The following FBXO11 variants were observed in gnomAD, a reference collection of about 807,000 sequenced individuals.
FBXO11 encodes F-box protein 11.
A neutral mutation model predicts 117.0 loss-of-function variants in FBXO11; 13 were observed. The ratio of observed to expected loss-of-function variants is 0.11; its 90% confidence interval spans 0.07 to 0.18. The LOEUF is 0.18. FBXO11 is among the 10% of genes least tolerant of loss of function. The pLI, the probability that FBXO11 is intolerant of heterozygous loss-of-function variation, is 1.00. For missense variants in FBXO11, 767 were observed against 1,164.4 expected, an observed-to-expected ratio of 0.66 and a Z score of 4.97; for synonymous variants, 490 against 380.5, an observed-to-expected ratio of 1.29 and a Z score of -3.35.
intron 1 of FBXO11, among the ~76,000 whole-genome samples, chr2:47,855,702 C>T (rs1473033253): frequency 6.6e-6 from 1 of 152,076 alleles, no homozygotes; most frequent in Non-Finnish European, 1.5e-5. Flanking sequence ...CATGGTGGTG[C>T]ATGCCTATAA....
At chr2:47,869,001 T>C (rs1312735029) in intron 1 of FBXO11, among the ~76,000 whole-genome samples, 1 of 152,220 alleles carries the variant, frequency 6.6e-6, no homozygotes, top group Non-Finnish European at 1.5e-5. Context: ...AACAAAGAAG[T>C]GGCCTTTTGA....
At chr2:47,882,531 T>C in intron 1 of FBXO11, among the ~76,000 whole-genome samples, 1 of 152,264 alleles carries the variant, frequency 6.6e-6, no homozygotes, top group East Asian at 1.9e-4. Context: ...TTGGATCTAC[T>C]GTATTTTCTA....
intron 1 of FBXO11, among the ~76,000 whole-genome samples, chr2:47,901,758 T>C (rs964647142): frequency 1.1e-4 from 16 of 152,136 alleles, no homozygotes; most frequent in African/African-American, 4.8e-5. Context: ...TCATACTTTG[T>C]AATATCTAAA....
chr2:47,876,050 C>T (rs1194098873), intron 1 of FBXO11, among the ~76,000 whole-genome samples: 2 of 152,128 alleles, frequency 1.3e-5, no homozygotes, highest in African/African-American at 2.4e-5. Context: ...AGGAAATTTA[C>T]GCGTAAGAAG....
At position 47,809,138 on chromosome 2, in the gene FBXO11, CAAAT is replaced by C. The variant is rs1255287001; in HGVS notation, c.2555+16_2555+19del. ...AATCAGTCTTCCTCTTTTCAGGACT[CAAAT>C]ATATTTCTAAGTTACCTGTAGAAAT... On this transcript the variant is annotated intron_variant, in intron 21 of 22. Transcript: ENST00000403359. 3.5e-6 allele frequency: 5 copies of C among 1,428,466 alleles called. No individual in the cohort carries two copies. The African/African-American group carries it at 7.2e-5, about 21-fold the overall frequency. The allele number at this position is 1,428,466 out of a possible 1,614,324, so 88.5% of individuals were successfully genotyped here.
chr2:47,810,092 ATAATCACGAC>A lies in FBXO11; in HGVS notation c.2338+214_2338+223del. On this transcript the variant is annotated intron_variant, in intron 19 of 22. Transcript: ENST00000403359. ...TTTATTCTATCCCAATAAATGTTTC[ATAATCACGAC>A]TAAGCAATAAGAGCAATATTTCTTA... The A allele has an allele frequency of 9.9e-6, 5 of 506,044 alleles. No individual in the cohort carries two copies. The South Asian group carries it at 1.7e-4, about 17-fold the overall frequency. 31.3% of individuals were successfully genotyped at this position (506,044 alleles called of 1,614,324 possible). A position where few individuals can be genotyped will look rare whatever the true frequency, so the allele number is the denominator to read the frequency against.
At chr2:47,835,057 A>G (rs1339503378) in intron 5 of FBXO11, among the ~76,000 whole-genome samples, 186 bp from the exon 6 acceptor site, 1 of 152,240 alleles carries the variant, frequency 6.6e-6, no homozygotes, top group Non-Finnish European at 1.5e-5. Context: ...ATCCAGAAAC[A>G]AAGAACAGGG....
chr2:47,859,197 T>C (rs183622606), intron 1 of FBXO11, among the ~76,000 whole-genome samples: 1 of 152,292 alleles, frequency 6.6e-6, no homozygotes, highest in East Asian at 1.9e-4. Context: ...GAGATACGTA[T>C]TTCCTTTCTT....
intron 1 of FBXO11, among the ~76,000 whole-genome samples, chr2:47,842,906 G>C (rs548247957): frequency 2.0e-5 from 3 of 151,928 alleles, no homozygotes; most frequent in South Asian, 2.1e-4. Flanking sequence ...TTGGCCTCTC[G>C]AACAGCTGGA....
chr2:47,829,159 T>C (rs1218930592), intron 11 of FBXO11, among the ~76,000 whole-genome samples: 1 of 151,896 alleles, frequency 6.6e-6, no homozygotes, highest in Non-Finnish European at 1.5e-5. Flanking sequence ...CCTCCCAAAG[T>C]GTTAGGATTA....
At position 47,838,956 on chromosome 2, in the gene FBXO11, C is replaced by T; in HGVS notation, c.490G>A (p.Val164Ile). The change falls in exon 4 of 23, where the codon GTT (valine) becomes ATT (isoleucine). Residue 164 changes from valine to isoleucine, a missense_variant. By Grantham distance (29) the Val-to-Ile change is conservative (BLOSUM62 3). Transcript: ENST00000403359. ...AGCAAGTAAGAGAAGATTTTTAGAA[C>T]CACTTCATCTGGCAGTTTCTCCTGA... ...YLQEKLPDEV[V>I]LKIFSYLLEQ... 1 of 1,614,014 alleles carries T rather than the reference C, an allele frequency of 6.2e-7. No homozygotes were observed. Among genetic ancestry groups the T allele is most frequent in the Non-Finnish European group, 8.5e-7 (1 of 1,179,928 alleles).
chr2:47,846,025 T>C (rs901251540), intron 1 of FBXO11, among the ~76,000 whole-genome samples: 4 of 152,158 alleles, frequency 2.6e-5, no homozygotes, highest in African/African-American at 9.7e-5. Context: ...AGACTTAGCA[T>C]ACATGAAACA....
At chr2:47,846,970 C>T (rs1308415619) in intron 1 of FBXO11, among the ~76,000 whole-genome samples, 1 of 152,098 alleles carries the variant, frequency 6.6e-6, no homozygotes, top group Non-Finnish European at 1.5e-5. Flanking sequence ...GAAGGCTGGT[C>T]GTGGTGGCTC....
intron 1 of FBXO11, among the ~76,000 whole-genome samples, chr2:47,901,354 C>T (rs1678288853): frequency 1.3e-5 from 2 of 151,680 alleles, no homozygotes; most frequent in African/African-American, 2.4e-5. Flanking sequence ...ATTTTCAGCA[C>T]TTCAAAACAG....
At chr2:47,868,654 A>G (rs557456351) in intron 1 of FBXO11, among the ~76,000 whole-genome samples, 1 of 152,266 alleles carries the variant, frequency 6.6e-6, no homozygotes, top group East Asian at 1.9e-4. Context: ...TCATAAACAA[A>G]GTGGCCATAC....
intron 11 of FBXO11, among the ~76,000 whole-genome samples, chr2:47,823,923 G>A (rs1671559314): frequency 6.6e-6 from 1 of 151,278 alleles, no homozygotes; most frequent in South Asian, 2.1e-4. Context: ...CATAGCTCAC[G>A]CAGCCTCAAA....
chr2:47,905,882 C>T lies in FBXO11; in HGVS notation c.-162G>A, dbSNP rs950526631. The T allele has an allele frequency of 9.2e-6, 7 of 758,582 alleles. No homozygotes were observed. The highest frequency in any genetic ancestry group is 1.4e-5 in the Non-Finnish European group (7 of 514,352). 47.0% of individuals were successfully genotyped at this position (758,582 alleles called of 1,614,324 possible). A position where few individuals can be genotyped will look rare whatever the true frequency, so the allele number is the denominator to read the frequency against. ...TGAGGGCGGAGGGGGCGAGCGGGAC[C>T]CCGAGTCCGGAGAAAGGCCCGGGTA... On this transcript the variant is annotated 5_prime_UTR_variant, in exon 1 of 23. Transcript: ENST00000403359.
Position 47,863,091 on chromosome 2 carries a change from CAAAA to C in FBXO11, c.233-23326_233-23323del, listed in dbSNP as rs538912537. On this transcript the variant is annotated intron_variant, in intron 1 of 22. Coordinates refer to ENST00000403359, the MANE Select transcript of FBXO11 (RefSeq NM_001190274.2). ...AAAAAACAAAAAAACAAAAACAAAA[CAAAA>C]AAAACCACCATACACACACAAAACA... Among the ~76,000 whole-genome samples the C allele has an allele frequency of 2.1e-5, 3 of 141,622 alleles. No individual in the cohort carries two copies. The South Asian group carries it at 6.9e-4, about 33-fold the overall frequency. The allele number at this position is 141,622 out of a possible 152,430, so 92.9% of individuals were successfully genotyped here. A position where few individuals can be genotyped will look rare whatever the true frequency, so the allele number is the denominator to read the frequency against.
At chr2:47,815,661 C>T (rs1670954480) in intron 16 of FBXO11, among the ~76,000 whole-genome samples, 1 of 152,226 alleles carries the variant, frequency 6.6e-6, no homozygotes, top group African/African-American at 2.4e-5. Context: ...AGGACTTTAG[C>T]AAAGCCTGGT....
Sources: allele counts gnomAD v4.1 joint callset (sites outside exome capture counted in the v4.1 genomes callset), GRCh38; gene constraint gnomAD v4.1.1; transcripts MANE v1.5; gene names NCBI Gene and HGNC (gene_info 2026-07-23, HGNC 2026-07-21).